FHIP1A: variants seen among roughly 807,000 people sequenced by gnomAD.
FHIP1A encodes the protein FHF complex subunit HOOK-interacting protein 1A.
In FHIP1A, 61 loss-of-function variants were observed where a neutral mutation model predicts 88.6. That is an observed-to-expected ratio of 0.69 (90% CI 0.56 to 0.85). FHIP1A has a LOEUF of 0.85. FHIP1A is among the 40% of genes least tolerant of loss of function. FHIP1A has a pLI of 0.00. For synonymous variants in FHIP1A, 478 were observed against 496.0 expected (o/e 0.96, Z 0.48); for missense variants, 1,154 against 1,273.5 (o/e 0.91, Z 1.43).
intron 11 of FHIP1A, among the ~76,000 whole-genome samples, 196 bp downstream of exon 11, chr4:151,650,788 C>T (rs1737002891): frequency 6.6e-6 from 1 of 152,120 alleles, no homozygotes; most frequent in South Asian, 2.1e-4. Context: ...TTATTTATTT[C>T]TCAAGCTAGA....
chr4:151,472,101 C>G (rs748286302), intron 2 of FHIP1A, among the ~76,000 whole-genome samples: 1 of 152,098 alleles, frequency 6.6e-6, no homozygotes, highest in Admixed American at 6.6e-5. Context: ...CAGTTGTATA[C>G]TCCTTTGTCT....
intron 5 of FHIP1A, among the ~76,000 whole-genome samples, chr4:151,579,452 G>T (rs1056711161): frequency 6.6e-6 from 1 of 152,144 alleles, no homozygotes; most frequent in African/African-American, 2.4e-5. Flanking sequence ...TTGAGAGGGA[G>T]CTATACGTGG....
At chr4:151,424,853 T>A (rs1733304091) in intron 1 of FHIP1A, among the ~76,000 whole-genome samples, 1 of 151,686 alleles carries the variant, frequency 6.6e-6, no homozygotes, top group African/African-American at 2.4e-5. Flanking sequence ...AAATAGATGA[T>A]TCAGATAAAA....
chr4:151,631,526 G>A (rs951540667), intron 8 of FHIP1A, among the ~76,000 whole-genome samples: 1 of 152,112 alleles, frequency 6.6e-6, no homozygotes, highest in Non-Finnish European at 1.5e-5. Flanking sequence ...CAAACATTTA[G>A]GCACTAGTTA....
chr4:151,414,196 A>G (rs1401408008), intron 1 of FHIP1A, among the ~76,000 whole-genome samples: 2 of 151,968 alleles, frequency 1.3e-5, no homozygotes, highest in East Asian at 3.9e-4. Flanking sequence ...GACTACAGGC[A>G]TGCGCCACCA....
At chr4:151,467,768 G>A (rs891317536) in intron 2 of FHIP1A, among the ~76,000 whole-genome samples, 1 of 152,054 alleles carries the variant, frequency 6.6e-6, no homozygotes, top group Non-Finnish European at 1.5e-5. Context: ...TTATAATTGG[G>A]TGTTGAACAA....
In FHIP1A at chr4:151,662,917, A is replaced by G. The variant is rs1278604757; in HGVS notation, c.*163A>G. The G allele has an allele frequency of 3.0e-6, 2 of 672,374 alleles. No individual in the cohort carries two copies. The highest frequency in any genetic ancestry group is 3.7e-5 in the African/African-American group (2 of 53,522). The allele number at this position is 672,374 out of a possible 1,614,324, so 41.7% of individuals were successfully genotyped here. ...TTCTGTATCTTTCCTCTCTCTCTCT[A>G]GCCGGGCCTTTCCACCTTATGTTAT... On this transcript the variant is annotated 3_prime_UTR_variant, in exon 14 of 14. Coordinates refer to ENST00000435205, the MANE Select transcript of FHIP1A (RefSeq NM_001109977.3).
intron 2 of FHIP1A, among the ~76,000 whole-genome samples, chr4:151,471,350 A>G (rs951678059): frequency 6.7e-6 from 1 of 149,050 alleles, no homozygotes; most frequent in African/African-American, 2.5e-5. Flanking sequence ...AGAAAAAACC[A>G]CCAAAACAGC....
chr4:151,658,057 G>A (rs2126926540), intron 13 of FHIP1A, among the ~76,000 whole-genome samples: 1 of 152,314 alleles, frequency 6.6e-6, no homozygotes, highest in South Asian at 2.1e-4. Context: ...GTAAAGCGAG[G>A]AGTCGGGCTT....
intron 4 of FHIP1A, among the ~76,000 whole-genome samples, chr4:151,577,117 A>G (rs772809570): frequency 1.3e-5 from 2 of 152,172 alleles, no homozygotes; most frequent in African/African-American, 4.8e-5. Flanking sequence ...CATATCACTT[A>G]CAGTTTCTCA....
At chr4:151,504,632 G>C (rs529662740) in intron 3 of FHIP1A, among the ~76,000 whole-genome samples, 1 of 150,684 alleles carries the variant, frequency 6.6e-6, no homozygotes, top group East Asian at 1.9e-4. Context: ...GTCATGTTAT[G>C]TTATTTTGAG....
At chr4:151,621,609 AG>A (rs1372842597) in intron 7 of FHIP1A, among the ~76,000 whole-genome samples, 1 of 151,774 alleles carries the variant, frequency 6.6e-6, no homozygotes, top group African/African-American at 2.4e-5. Flanking sequence ...ATGGAATGGC[AG>A]GCATTAGATG....
chr4:151,645,316 A>G (rs1413645329), intron 9 of FHIP1A, among the ~76,000 whole-genome samples: 1 of 152,134 alleles, frequency 6.6e-6, no homozygotes, highest in African/African-American at 2.4e-5. Flanking sequence ...CCTGGAAAGT[A>G]TTATTAAAAC....
intron 7 of FHIP1A, among the ~76,000 whole-genome samples, chr4:151,609,939 A>G (rs1291621677): frequency 6.6e-6 from 1 of 152,258 alleles, no homozygotes; most frequent in Non-Finnish European, 1.5e-5. Context: ...TGTCTTAAGT[A>G]AGTAAACTTA....
rs190076423 is a variant in FHIP1A, at chr4:151,540,769, C to G, written c.-122-25369C>G. Among the ~76,000 whole-genome samples, 143 of 152,254 alleles carry G rather than the reference C, an allele frequency of 9.4e-4. 1 individual carries two copies. Among genetic ancestry groups the G allele is most frequent in the Non-Finnish European group, 1.2e-3 (82 of 68,034 alleles). Reference sequence around the variant, plus strand: ...TTGTATTTTCTGGGTGTGTTTTGCTCTCCTGAGTCAGGCAGCTGCTTTGCT... The same window carrying G: ...TTGTATTTTCTGGGTGTGTTTTGCTGTCCTGAGTCAGGCAGCTGCTTTGCT... On this transcript the variant is annotated intron_variant, in intron 3 of 13. Coordinates refer to ENST00000435205, the MANE Select transcript of FHIP1A (RefSeq NM_001109977.3).
chr4:151,634,896 G>T (rs1354216918), intron 8 of FHIP1A, among the ~76,000 whole-genome samples: 1 of 151,684 alleles, frequency 6.6e-6, no homozygotes, highest in Admixed American at 6.6e-5. Flanking sequence ...AGACAGATGG[G>T]AGTACATCAA....
At chr4:151,468,271 C>G (rs561241173) in intron 2 of FHIP1A, among the ~76,000 whole-genome samples, 1 of 121,098 alleles carries the variant, frequency 8.3e-6, no homozygotes, top group Non-Finnish European at 1.6e-5. Flanking sequence ...GGTGAGAGAG[C>G]GAGACTCCAT....
Position 151,411,971 on chromosome 4 carries a change from G to A in FHIP1A, c.-356+2506G>A, listed in dbSNP as rs140259701. Among the ~76,000 whole-genome samples, 16 of 152,304 alleles carry A rather than the reference G, an allele frequency of 1.1e-4. No individual in the cohort carries two copies. In the East Asian group the frequency reaches 3.1e-3, roughly 29 times the overall value. On this transcript the variant is annotated intron_variant, in intron 1 of 13. Coordinates refer to ENST00000435205, the MANE Select transcript of FHIP1A (RefSeq NM_001109977.3). ...TCTTAATGAAAACAATAACAGAAGT[G>A]AACAGTTCTGTAGTGCTTTATGTTT...
At chr4:151,475,258 G>A (rs1321338544) in intron 2 of FHIP1A, among the ~76,000 whole-genome samples, 1 of 152,154 alleles carries the variant, frequency 6.6e-6, no homozygotes, top group Admixed American at 6.5e-5. Context: ...AAAAATCTCC[G>A]CTGTCATGGA....
Sources: gnomAD v4.1 joint callset for allele counts (sites outside exome capture counted in the v4.1 genomes callset) on GRCh38, gnomAD v4.1.1 for gene constraint, MANE v1.5 for transcripts, NCBI Gene and HGNC (gene_info 2026-07-23, HGNC 2026-07-21) for gene names.